The following LRIF1 variants were observed in gnomAD, a reference collection of about 807,000 sequenced individuals.
LRIF1 encodes the protein ligand-dependent nuclear receptor-interacting factor 1.
A neutral mutation model predicts 52.7 loss-of-function variants in LRIF1; 32 were observed. That is an observed-to-expected ratio of 0.61 (90% CI 0.46 to 0.82). LRIF1 has a LOEUF of 0.82. LRIF1 is among the 40% of genes least tolerant of loss of function. LRIF1 has a pLI of 0.00. For synonymous variants in LRIF1, 323 were observed against 317.4 expected (o/e 1.02, Z -0.19); for missense variants, 887 against 892.0 (o/e 0.99, Z 0.07).
chr1:110,943,038 G>C (rs1658125871), downstream of LRIF1, among the ~76,000 whole-genome samples: 1 of 152,062 alleles, frequency 6.6e-6, no homozygotes, highest in African/African-American at 2.4e-5. Context: ...AAGAGACTAA[G>C]AAGAAGCAGT....
Position 110,950,134 on chromosome 1 carries a change from G to C in LRIF1, c.1597-11C>G, listed in dbSNP as rs921664722. 1.3e-6 allele frequency: 2 copies of C among 1,595,670 alleles called. No homozygotes were observed. The highest frequency in any genetic ancestry group is 2.7e-5 in the African/African-American group (2 of 74,152). On this transcript the variant is annotated splice_polypyrimidine_tract_variant and intron_variant, in intron 2 of 3. Coordinates refer to ENST00000369763, the MANE Select transcript of LRIF1 (RefSeq NM_018372.4). ...CATCTCATTATGGATCTGGAATTAG[G>C]AAAAGAAAACACACAAACAATACTG...
chr1:110,891,772 A>T, the LRIF1 span, among the ~76,000 whole-genome samples: 18 of 152,170 alleles, frequency 1.2e-4, no homozygotes, highest in Non-Finnish European at 2.1e-4. Context: ...TGTGCTCTGG[A>T]TATTGAGTGC....
At chr1:110,897,859 C>G in the LRIF1 span, 3 of 1,611,422 alleles carry the variant, frequency 1.9e-6, no homozygotes, top group Non-Finnish European at 2.5e-6. Context: ...TCCTGTATAT[C>G]GGAATCATCA....
Position 110,951,514 on chromosome 1 carries a change from G to A in LRIF1, c.1370C>T (p.Pro457Leu). 12 of 1,614,070 alleles carry A rather than the reference G, an allele frequency of 7.4e-6. No individual in the cohort carries two copies. The highest frequency in any genetic ancestry group is 1.0e-5 in the Non-Finnish European group (12 of 1,179,994). The change falls in exon 2 of 4, where the codon CCA becomes CTA. Residue 457 changes from proline to leucine, a missense_variant. Pro to Leu is a moderately conservative substitution (Grantham distance 98). Coordinates refer to ENST00000369763, the MANE Select transcript of LRIF1 (RefSeq NM_018372.4). ...VEKPSPSTTN[P>L]HMNQSSNYLK... Reference sequence around the variant, plus strand: ...GTAGTTACTGGATTGGTTCATATGTGGATTTGTGGTAGAAGGAGATGGTTT... The same window carrying A: ...GTAGTTACTGGATTGGTTCATATGTAGATTTGTGGTAGAAGGAGATGGTTT...
chr1:110,901,476 CCT>C, the LRIF1 span, among the ~76,000 whole-genome samples: 1 of 63,544 alleles, frequency 1.6e-5, no homozygotes. Flanking sequence ...TCGCACCCGG[CCT>C]TTTTTTTTTT....
chr1:110,963,439 T>C (rs1659049669), intron 1 of LRIF1, 182 bp downstream of exon 1: 3 of 475,318 alleles, frequency 6.3e-6, no homozygotes, highest in Admixed American at 6.5e-5. Context: ...GTTTTACATT[T>C]CCCAGAGGAA....
At chr1:110,902,941 C>A in the LRIF1 span, among the ~76,000 whole-genome samples, 1 of 152,090 alleles carries the variant, frequency 6.6e-6, no homozygotes, top group Non-Finnish European at 1.5e-5. Flanking sequence ...CAGCATGATG[C>A]GGAGAGTGTC....
rs1220104626 is a variant in LRIF1, at chr1:110,951,275, A to G, written c.1596+13T>C. The G allele has an allele frequency of 6.3e-7, 1 of 1,593,546 alleles. No homozygotes were observed. ...AGATATATAAAAAGAGCACCCTGAC[A>G]TGGGAAAATTACCTTTGGTTCTTGG... On this transcript the variant is annotated intron_variant, in intron 2 of 3. Transcript: ENST00000369763.
At chr1:110,937,928 A>C in the LRIF1 span, 1 of 152,158 alleles carries the variant, frequency 6.6e-6, no homozygotes, top group Non-Finnish European at 1.5e-5. Flanking sequence ...GGCTACTATG[A>C]GCAACTATAT....
intron 2 of LRIF1, 149 bp from the exon 3 acceptor site, chr1:110,950,272 C>G: frequency 1.1e-6 from 1 of 898,490 alleles, no homozygotes; most frequent in Non-Finnish European, 1.6e-6. Flanking sequence ...CACCCACACT[C>G]AAAAAACTGA....
Position 110,952,315 on chromosome 1 carries a change from T to G in LRIF1, c.569A>C (p.His190Pro). The change falls in exon 2 of 4, where the codon CAT (histidine) becomes CCT (proline). Residue 190 changes from histidine (H) to proline (P), a missense_variant. His to Pro is a moderately conservative substitution (Grantham distance 77). Coordinates refer to ENST00000369763, the MANE Select transcript of LRIF1 (RefSeq NM_018372.4). ...CGCTGGTACAGATTTCACTTCAGCA[T>G]GGGCTGGAATCTGTAAATGATGCCC... Reference protein sequence around the residue: ...PSGHHLQIPAHAEVKSVPASS... With the variant: ...PSGHHLQIPAPAEVKSVPASS... The G allele has an allele frequency of 6.2e-7, 1 of 1,614,138 alleles. No individual in the cohort carries two copies. Among genetic ancestry groups the G allele is most frequent in the Non-Finnish European group, 8.5e-7 (1 of 1,179,980 alleles).
At chr1:110,927,752 A>C in the LRIF1 span, among the ~76,000 whole-genome samples, 9 of 152,200 alleles carry the variant, frequency 5.9e-5, no homozygotes, top group Non-Finnish European at 8.8e-5. Flanking sequence ...AACTAGAAAT[A>C]TACAAAAAAG....
chr1:110,917,599 C>T, the LRIF1 span, among the ~76,000 whole-genome samples: 778 of 150,362 alleles, frequency 5.2e-3, 12 homozygotes, highest in African/African-American at 0.018. Context: ...ATGCACATAA[C>T]AAAAATCCCT....
At position 110,952,641 on chromosome 1, in the gene LRIF1, C is replaced by G. The variant is rs1288963970; in HGVS notation, c.243G>C (p.Gln81His). Residue 81 changes from glutamine (Q) to histidine (H), a missense_variant, in exon 2 of 4, where the codon CAG (glutamine) becomes CAC (histidine). By Grantham distance (24) the Gln-to-His change is conservative. Transcript: ENST00000369763. ...TTGTGGAAGAGCTGGAAATCTGAGT[C>G]TGAAAAGTAACTTGAACTGGTTTTC... The part of the protein sequence containing the change: ...NTGKPVQVTF[Q>H]TQISSSSTSA... 2 of 1,614,104 alleles carry G rather than the reference C, an allele frequency of 1.2e-6. No individual in the cohort carries two copies. The highest frequency in any genetic ancestry group is 1.1e-5 in the South Asian group (1 of 91,072).
chr1:110,935,059 A>G, the LRIF1 span, among the ~76,000 whole-genome samples: 1 of 152,198 alleles, frequency 6.6e-6, no homozygotes, highest in Non-Finnish European at 1.5e-5. Flanking sequence ...TAATCCAGAG[A>G]ATTCTGGATT....
At chr1:110,958,668 A>G (rs1658819669) in intron 1 of LRIF1, among the ~76,000 whole-genome samples, 4 of 152,138 alleles carry the variant, frequency 2.6e-5, no homozygotes, top group Admixed American at 1.3e-4. Flanking sequence ...CCTCCAAAAA[A>G]TAAAAAAAAG....
the LRIF1 span, among the ~76,000 whole-genome samples, chr1:110,894,030 T>C: frequency 6.6e-6 from 1 of 152,212 alleles, no homozygotes; most frequent in East Asian, 1.9e-4. Flanking sequence ...AATAGGCAGA[T>C]GTCAAAATTG....
intron 1 of LRIF1, 23 bp downstream of exon 1, chr1:110,963,598 G>T (rs1034600397): frequency 1.3e-6 from 2 of 1,596,920 alleles, no homozygotes; most frequent in Non-Finnish European, 1.7e-6. Context: ...CAGCCGTGGG[G>T]AGGATTCGAA....
At chr1:110,924,440 T>G in the LRIF1 span, among the ~76,000 whole-genome samples, 1 of 152,248 alleles carries the variant, frequency 6.6e-6, no homozygotes, top group East Asian at 1.9e-4. Context: ...CCTCAGGAAA[T>G]TTACAATCAT....
Sources: allele counts gnomAD v4.1 joint callset (sites outside exome capture counted in the v4.1 genomes callset), GRCh38; gene constraint gnomAD v4.1.1; transcripts MANE v1.5; gene names NCBI Gene and HGNC (gene_info 2026-07-23, HGNC 2026-07-21).